Variants in NCK2 observed in about 807,000 individuals in gnomAD.
The protein encoded by NCK2 is cytoplasmic protein NCK2.
NCK2 carries 16 observed loss-of-function variants against 33.9 expected under a neutral mutation model. That is an observed-to-expected ratio of 0.47 (90% CI 0.32 to 0.72). NCK2 has a LOEUF of 0.72. NCK2 is among the 30% of genes least tolerant of loss of function. NCK2 has a pLI of 0.03. For missense variants in NCK2, 418 were observed against 537.3 expected, an observed-to-expected ratio of 0.78 and a Z score of 2.19; for synonymous variants, 273 against 239.9, an observed-to-expected ratio of 1.14 and a Z score of -1.27.
At chr2:105,800,156 G>C (rs58533035) in intron 1 of NCK2, among the ~76,000 whole-genome samples, 3 of 152,196 alleles carry the variant, frequency 2.0e-5, no homozygotes. Context: ...TGGCTGCACC[G>C]TATAGTCTGG....
At chr2:105,873,785 C>T (rs2104637823) in intron 3 of NCK2, among the ~76,000 whole-genome samples, 1 of 152,330 alleles carries the variant, frequency 6.6e-6, no homozygotes, top group East Asian at 1.9e-4. Context: ...GGGTGCAACT[C>T]TTGGTTGGGG....
At chr2:105,857,876 C>T (rs1210065218) in intron 3 of NCK2, among the ~76,000 whole-genome samples, 4 of 152,110 alleles carry the variant, frequency 2.6e-5, no homozygotes, top group Non-Finnish European at 5.9e-5. Context: ...GAGGAGGCAC[C>T]CCCGATCAGG....
At chr2:105,835,423 A>ATATATAT (rs59154186) in intron 2 of NCK2, among the ~76,000 whole-genome samples, 7 of 102,106 alleles carry the variant, frequency 6.9e-5, no homozygotes, top group Admixed American at 1.0e-4. Flanking sequence ...ATATATATAT[A>ATATATAT]TTTTTTTTTT....
intron 2 of NCK2, among the ~76,000 whole-genome samples, chr2:105,835,391 A>G (rs376363279): frequency 1.3e-4 from 5 of 38,108 alleles, no homozygotes; most frequent in African/African-American, 4.7e-4. Flanking sequence ...ATATACACAT[A>G]TATATATATA....
chr2:105,872,460 C>T (rs1317059557), intron 3 of NCK2, among the ~76,000 whole-genome samples: 1 of 152,162 alleles, frequency 6.6e-6, no homozygotes. Flanking sequence ...CCGAAAGAGA[C>T]ATGCTCAGGG....
chr2:105,766,767 G>A (rs561032490), intron 1 of NCK2, among the ~76,000 whole-genome samples: 1 of 152,136 alleles, frequency 6.6e-6, no homozygotes, highest in African/African-American at 2.4e-5. Flanking sequence ...TCCTTTACTC[G>A]GCTATCCCTC....
At position 105,798,040 on chromosome 2, in the gene NCK2, T is replaced by C. The variant is rs189388056; in HGVS notation, c.-200-18390T>C. Among the ~76,000 whole-genome samples the C allele has an allele frequency of 7.9e-5, 12 of 152,362 alleles. No individual in the cohort carries two copies. The East Asian group carries it at 1.9e-3, about 24-fold the overall frequency. ...TTATAACCACATTTTTATTAATTTATGGTTTTGATCCATCTATTTTAGACT... is the reference window on the plus strand; with the variant it reads ...TTATAACCACATTTTTATTAATTTACGGTTTTGATCCATCTATTTTAGACT... On this transcript the variant is annotated intron_variant, in intron 1 of 4. Coordinates refer to ENST00000233154, the MANE Select transcript of NCK2 (RefSeq NM_003581.5).
intron 1 of NCK2, among the ~76,000 whole-genome samples, chr2:105,792,331 C>T (rs932888201): frequency 5.3e-5 from 8 of 152,104 alleles, no homozygotes; most frequent in African/African-American, 1.9e-4. Flanking sequence ...AATAAATTGC[C>T]CAGCTTCAGC....
intron 1 of NCK2, among the ~76,000 whole-genome samples, chr2:105,749,088 G>C (rs1278848936): frequency 6.6e-6 from 1 of 152,128 alleles, no homozygotes; most frequent in Non-Finnish European, 1.5e-5. Flanking sequence ...AAAAAACAAA[G>C]CCAACCCCAT....
chr2:105,778,600 A>G (rs1194035229), intron 1 of NCK2, among the ~76,000 whole-genome samples: 1 of 152,176 alleles, frequency 6.6e-6, no homozygotes, highest in Admixed American at 6.5e-5. Flanking sequence ...GGCTGCGTGA[A>G]CCAAAGGTGC....
intron 1 of NCK2, among the ~76,000 whole-genome samples, chr2:105,777,149 C>T (rs551434530): frequency 3.2e-4 from 49 of 152,168 alleles, no homozygotes; most frequent in Non-Finnish European, 5.3e-4. Flanking sequence ...CACGGCCCTG[C>T]GGCTGTCACT....
At chr2:105,891,111 C>T (rs1678953871) in intron 4 of NCK2, among the ~76,000 whole-genome samples, 1 of 152,270 alleles carries the variant, frequency 6.6e-6, no homozygotes, top group Admixed American at 6.5e-5. Context: ...CCTGCCCCCA[C>T]ACGCACTTAT....
At chr2:105,879,206 G>C (rs1181597459) in intron 3 of NCK2, among the ~76,000 whole-genome samples, 1 of 151,190 alleles carries the variant, frequency 6.6e-6, no homozygotes, top group East Asian at 2.0e-4. Flanking sequence ...AAAGTTTATT[G>C]TTCAATGTTA....
intron 1 of NCK2, among the ~76,000 whole-genome samples, chr2:105,777,461 G>A (rs982111973): frequency 2.0e-5 from 3 of 152,154 alleles, no homozygotes; most frequent in Admixed American, 6.5e-5. Flanking sequence ...CACCTGGCAC[G>A]GCGTGGGTGG....
intron 2 of NCK2, among the ~76,000 whole-genome samples, chr2:105,826,350 A>G (rs1197809610): frequency 6.6e-6 from 1 of 152,104 alleles, no homozygotes; most frequent in East Asian, 1.9e-4. Context: ...GATTATAGGG[A>G]TTACAATTCA....
chr2:105,865,511 C>T (rs138693851), intron 3 of NCK2, among the ~76,000 whole-genome samples: 52 of 152,258 alleles, frequency 3.4e-4, no homozygotes, highest in Middle Eastern at 6.8e-3. Flanking sequence ...GACTCCCACC[C>T]ACACGACTGT....
intron 1 of NCK2, among the ~76,000 whole-genome samples, chr2:105,803,596 C>G (rs1278197559): frequency 6.6e-6 from 1 of 152,176 alleles, no homozygotes; most frequent in Non-Finnish European, 1.5e-5. Flanking sequence ...GCATTAGCAT[C>G]CAGTTTCAAA....
intron 1 of NCK2, among the ~76,000 whole-genome samples, chr2:105,764,717 A>G (rs1689880582): frequency 6.6e-6 from 1 of 152,224 alleles, no homozygotes; most frequent in Non-Finnish European, 1.5e-5. Flanking sequence ...TCTTAAGCAT[A>G]GTTTTTGAAA....
chr2:105,891,680 G>A (rs993938403), intron 4 of NCK2, among the ~76,000 whole-genome samples: 11 of 151,166 alleles, frequency 7.3e-5, no homozygotes, highest in Admixed American at 7.3e-4. Context: ...CAAGTAGCTG[G>A]GATTACAGGC....
Sources: allele counts gnomAD v4.1 joint callset (sites outside exome capture counted in the v4.1 genomes callset), GRCh38; gene constraint gnomAD v4.1.1; transcripts MANE v1.5; gene names NCBI Gene and HGNC (gene_info 2026-07-23, HGNC 2026-07-21).